EPHX1: variants seen among roughly 807,000 people sequenced by gnomAD.
The protein encoded by EPHX1 is epoxide hydrolase 1, also known as epoxide hydratase.
EPHX1 carries 40 observed loss-of-function variants against 43.2 expected under a neutral mutation model. That is an observed-to-expected ratio of 0.93 (90% CI 0.72 to 1.21). The LOEUF (loss-of-function observed/expected upper bound fraction) is 1.21, where lower values mean the gene tolerates loss of function less well. EPHX1 is among the 50% of genes most tolerant of loss of function. The probability of loss-of-function intolerance (pLI) is 0.00; values close to 1 mark genes in which losing one functional copy is unlikely to be tolerated. For synonymous variants in EPHX1, 221 were observed against 226.7 expected, an observed-to-expected ratio of 0.98 and a Z score of 0.22; for missense variants, 550 against 570.4, an observed-to-expected ratio of 0.96 and a Z score of 0.36.
rs1163272711 is a variant in EPHX1 at position 225,839,215 on chromosome 1, A to G, written c.593-2A>G. 34 of 1,613,916 alleles carry G rather than the reference A, an allele frequency of 2.1e-5. No homozygotes were observed. Among genetic ancestry groups the G allele is most frequent in the Non-Finnish European group, 2.9e-5 (34 of 1,180,024 alleles). On this transcript the variant is annotated splice_acceptor_variant, in intron 4 of 8. Transcript: ENST00000272167. LOFTEE classifies it high-confidence loss of function. ...CTCCATGCCTTTCCCCATCACTGCC[A>G]GGGTTCAACTCGGTGGCCACCGCCA...
At chr1:225,838,590 G>T (rs944538004) in intron 3 of EPHX1, 64 bp from the exon 4 acceptor site, 13 of 1,434,776 alleles carry the variant, frequency 9.1e-6, no homozygotes, top group Admixed American at 6.8e-5. Context: ...TCTGGGGGGT[G>T]CCAGAGCCTG....
chr1:225,833,603 A>G (rs950122885), intron 3 of EPHX1, among the ~76,000 whole-genome samples: 24 of 145,944 alleles, frequency 1.6e-4, no homozygotes, highest in Non-Finnish European at 3.5e-4. Flanking sequence ...AGACCATCGT[A>G]GCTAACACGG....
intron 1 of EPHX1, among the ~76,000 whole-genome samples, chr1:225,823,675 C>G (rs1472302432): frequency 6.6e-6 from 1 of 152,174 alleles, no homozygotes; most frequent in African/African-American, 2.4e-5. Context: ...AGAGGGAGGC[C>G]ATGAGAGGGA....
At position 225,828,967 on chromosome 1, in the gene EPHX1, G is replaced by A. The variant is rs1377926369; in HGVS notation, c.183+55G>A. ...GCAGTGGAGAGGGTGGTGTGTCGAA[G>A]ACAGGGGTTGGGTCTTAGGCCAGAT... On this transcript the variant is annotated intron_variant, in intron 2 of 8. Coordinates refer to ENST00000272167, the MANE Select transcript of EPHX1 (RefSeq NM_001136018.4). 6 of 1,547,308 alleles carry A rather than the reference G, an allele frequency of 3.9e-6. No individual in the cohort carries two copies. The African/African-American group carries it at 5.5e-5, about 14-fold the overall frequency.
rs761825961 is a variant in EPHX1, at chr1:225,844,620, A to T, written c.1163A>T (p.Glu388Val). 12 of 1,613,906 alleles carry T rather than the reference A, an allele frequency of 7.4e-6. No individual in the cohort carries two copies. The East Asian group carries it at 2.5e-4, about 33-fold the overall frequency. Residue 388 changes from glutamate (E) to valine (V), a missense_variant, in exon 8 of 9, where the codon GAG becomes GTG. Coordinates refer to ENST00000272167, the MANE Select transcript of EPHX1 (RefSeq NM_001136018.4). Reference sequence around the variant, plus strand: ...CAGGGCTGGATGACCCAGAAGCATGAGCGGTGAGCCTGGCTGAGCCGAGAA... The same window carrying T: ...CAGGGCTGGATGACCCAGAAGCATGTGCGGTGAGCCTGGCTGAGCCGAGAA... ...LGQGWMTQKH[E>V]RMKVYVPTGF...
Position 225,845,142 on chromosome 1 carries a change from C to T in EPHX1, c.1167-4C>T. 6.2e-7 allele frequency: 1 copy of T among 1,614,078 alleles called. No homozygotes were observed. The highest frequency in any genetic ancestry group is 8.5e-7 in the Non-Finnish European group (1 of 1,180,016). ...CACCCCTCCGTCGGCTCTTTCACTTCCAGGATGAAGGTCTATGTGCCCACT... is the reference window on the plus strand; with the variant it reads ...CACCCCTCCGTCGGCTCTTTCACTTTCAGGATGAAGGTCTATGTGCCCACT... On this transcript the variant is annotated splice_polypyrimidine_tract_variant and splice_region_variant and intron_variant, in intron 8 of 8. Transcript: ENST00000272167.
At chr1:225,813,648 G>A (rs909486251) in intron 1 of EPHX1, among the ~76,000 whole-genome samples, 3 of 152,240 alleles carry the variant, frequency 2.0e-5, no homozygotes, top group African/African-American at 7.2e-5. Flanking sequence ...GGAAGTCATA[G>A]TTCATCCTTT....
At chr1:225,815,411 C>CTTTTT (rs5781415) in intron 1 of EPHX1, among the ~76,000 whole-genome samples, 36 of 78,190 alleles carry the variant, frequency 4.6e-4, no homozygotes, top group Non-Finnish European at 5.8e-4. Context: ...AGCTAATTTT[C>CTTTTT]TTTTTTTTTT....
chr1:225,838,639 GCT>G lies in EPHX1; in HGVS notation c.365-12_365-11del, dbSNP rs761084044. 4.3e-5 allele frequency: 69 copies of G among 1,609,222 alleles called. No homozygotes were observed. Among genetic ancestry groups the G allele is most frequent in the Non-Finnish European group, 5.9e-5 (69 of 1,175,916 alleles). On this transcript the variant is annotated splice_polypyrimidine_tract_variant and intron_variant, in intron 3 of 8. Transcript: ENST00000272167. ...TTCTCTCTCCCTCCACCCTGACTGT[GCT>G]CTGTCCCCCCAGGGCTGGACATCCA...
chr1:225,838,943 C>T, intron 4 of EPHX1, 62 bp downstream of exon 4: 1 of 1,556,930 alleles, frequency 6.4e-7, no homozygotes, highest in Non-Finnish European at 8.9e-7. Context: ...CCCGGTGTTC[C>T]CACCAGGCTC....
At chr1:225,824,203 T>G (rs1437861626) in intron 1 of EPHX1, among the ~76,000 whole-genome samples, 1 of 151,232 alleles carries the variant, frequency 6.6e-6, no homozygotes, top group Non-Finnish European at 1.5e-5. Context: ...GGGAGGGTGT[T>G]GTTTCTTATT....
At position 225,828,726 on chromosome 1, in the gene EPHX1, A is replaced by G. The variant is rs778557272; in HGVS notation, c.-4A>G. On this transcript the variant is annotated splice_region_variant and 5_prime_UTR_variant, in exon 2 of 9. Coordinates refer to ENST00000272167, the MANE Select transcript of EPHX1 (RefSeq NM_001136018.4). ...TAATGGCTTCCCCTCATCTTGCAGG[A>G]GCCATGTGGCTAGAAATCCTCCTCA... The G allele has an allele frequency of 6.2e-7, 1 of 1,611,406 alleles. No homozygotes were observed. The highest frequency in any genetic ancestry group is 8.5e-7 in the Non-Finnish European group (1 of 1,179,368).
In EPHX1 at chr1:225,829,803, G is replaced by A. The variant is rs549364061; in HGVS notation, c.183+891G>A. Among the ~76,000 whole-genome samples, 8 of 152,298 alleles carry A rather than the reference G, an allele frequency of 5.3e-5. No individual in the cohort carries two copies. In the East Asian group the frequency reaches 1.2e-3, roughly 22 times the overall value. On this transcript the variant is annotated intron_variant, in intron 2 of 8. Coordinates refer to ENST00000272167, the MANE Select transcript of EPHX1 (RefSeq NM_001136018.4). ...AGATAAATAAAGATAGGCTAGGTGC[G>A]GTGGCTCACGCTTTTAATCCCAGCA...
Position 225,839,258 on chromosome 1 carries a change from ATGC to A in EPHX1, c.638_640del (p.Leu213del). On this transcript the variant is annotated inframe_deletion, in exon 5 of 9. Transcript: ENST00000272167. ...CACCGCCAGGATCTTTTACAAGCTG[ATGC>A]TGCGGCTGGGCTTCCAGGAATTCTA... 3.1e-6 allele frequency: 5 copies of A among 1,613,968 alleles called. No individual in the cohort carries two copies. The highest frequency in any genetic ancestry group is 4.2e-6 in the Non-Finnish European group (5 of 1,179,970).
rs1301929270 is a variant in EPHX1, at chr1:225,831,878, T to A, written c.283T>A (p.Ser95Thr). Residue 95 changes from serine (S) to threonine (T), a missense_variant, in exon 3 of 9, where the codon TCC becomes ACC. Physicochemically the swap from Ser to Thr is moderately conservative, Grantham distance 58. Coordinates refer to ENST00000272167, the MANE Select transcript of EPHX1 (RefSeq NM_001136018.4). ...FNSNYLKKVI[S>T]YWRNEFDWKK... ...CTCCAACTACCTGAAGAAAGTCATC[T>A]CCTACTGGCGGAATGAATTTGACTG... is the stretch of plus-strand genomic sequence containing the variant. The A allele has an allele frequency of 2.5e-6, 4 of 1,614,062 alleles. No homozygotes were observed. Among genetic ancestry groups the A allele is most frequent in the Non-Finnish European group, 3.4e-6 (4 of 1,180,034 alleles).
chr1:225,835,082 T>C (rs953418026), intron 3 of EPHX1, among the ~76,000 whole-genome samples: 1 of 152,158 alleles, frequency 6.6e-6, no homozygotes, highest in African/African-American at 2.4e-5. Flanking sequence ...AGTGGGACTT[T>C]GCCAGGTGTG....
intron 3 of EPHX1, among the ~76,000 whole-genome samples, chr1:225,836,856 G>A (rs1576021074): frequency 1.3e-5 from 2 of 152,228 alleles, no homozygotes; most frequent in East Asian, 3.8e-4. Context: ...ACATCCTAGA[G>A]ATGGGCTGTA....
rs930566134 is a variant in EPHX1 at position 225,824,647 on chromosome 1, G to A, written c.-5-4078G>A. Among the ~76,000 whole-genome samples the A allele has an allele frequency of 6.6e-5, 10 of 152,204 alleles. No homozygotes were observed. In the East Asian group the frequency reaches 7.7e-4, roughly 12 times the overall value. ...AGGTTTGAGGCTCAGTCAAGAGGGC[G>A]CCACTCTGCCTGGCCAGCTCTCCGA... On this transcript the variant is annotated intron_variant, in intron 1 of 8. Transcript: ENST00000272167.
chr1:225,844,919 G>C (rs1426899940), intron 8 of EPHX1, among the ~76,000 whole-genome samples: 1 of 152,154 alleles, frequency 6.6e-6, no homozygotes, highest in Non-Finnish European at 1.5e-5. Flanking sequence ...ACCCTCAAAG[G>C]TGGGGATTTA....
Sources: gnomAD v4.1 joint callset for allele counts (sites outside exome capture counted in the v4.1 genomes callset) on GRCh38, gnomAD v4.1.1 for gene constraint, MANE v1.5 for transcripts, NCBI Gene and HGNC (gene_info 2026-07-23, HGNC 2026-07-21) for gene names.